GLI2: variants seen among roughly 807,000 people sequenced by gnomAD.
GLI2 encodes the protein transcription activator GLI2.
In GLI2, 22 loss-of-function variants were observed where a neutral mutation model predicts 78.9. The ratio of observed to expected loss-of-function variants is 0.28; its 90% CI spans 0.20 to 0.40. The LOEUF is 0.40. GLI2 is among the 10% of genes least tolerant of loss of function. The pLI is 1.00. For missense variants in GLI2, 2,097 were observed against 2,213.2 expected (o/e 0.95, Z 1.05); for synonymous variants, 974 against 963.7 (o/e 1.01, Z -0.20).
At chr2:120,746,404 G>T (rs1392636803) in intron 1 of GLI2, among the ~76,000 whole-genome samples, 8 of 152,160 alleles carry the variant, frequency 5.3e-5, no homozygotes, top group African/African-American at 1.7e-4. Flanking sequence ...AAGCTGCCCA[G>T]CCACCTGCCC....
At chr2:120,960,943 G>A (rs1681523311) in intron 5 of GLI2, among the ~76,000 whole-genome samples, 1 of 152,228 alleles carries the variant, frequency 6.6e-6, no homozygotes, top group Non-Finnish European at 1.5e-5. Flanking sequence ...TGTGTGGGAA[G>A]GTGATAGAGA....
At chr2:120,916,526 G>A (rs1679106782) in intron 2 of GLI2, among the ~76,000 whole-genome samples, 1 of 152,254 alleles carries the variant, frequency 6.6e-6, no homozygotes, top group Non-Finnish European at 1.5e-5. Context: ...AGTTTGTGCT[G>A]CGTGGGCCTC....
At chr2:120,964,212 C>CT (rs1681724846) in intron 5 of GLI2, among the ~76,000 whole-genome samples, 2 of 152,174 alleles carry the variant, frequency 1.3e-5, no homozygotes, top group Non-Finnish European at 2.9e-5. Context: ...GAGGTGATGA[C>CT]TCGGCTGAGG....
At chr2:120,912,622 C>T (rs7578939) in intron 2 of GLI2, among the ~76,000 whole-genome samples, 8 of 152,178 alleles carry the variant, frequency 5.3e-5, no homozygotes, top group East Asian at 1.9e-4. Flanking sequence ...CAGAATCACA[C>T]GGGCAGGGAG....
rs762992052 is a variant in GLI2 at position 120,984,586 on chromosome 2, G to T, written c.1748G>T (p.Arg583Leu). The T allele has an allele frequency of 8.7e-6, 14 of 1,614,092 alleles. No individual in the cohort carries two copies. The highest frequency in any genetic ancestry group is 1.3e-5 in the African/African-American group (1 of 74,930). ...GPDAHVTKKQRNDVHLRTPLL... is the reference protein window; with the variant it reads ...GPDAHVTKKQLNDVHLRTPLL... ...GATGCCCACGTCACCAAGAAGCAGC[G>T]CAATGACGTGCACCTCCGCACACCG... Residue 583 changes from arginine to leucine, a missense_variant, in exon 12 of 14, where the codon CGC becomes CTC. Coordinates refer to ENST00000361492, the MANE Select transcript of GLI2 (RefSeq NM_001374353.1).
rs767845340 is a variant in GLI2 at position 120,989,851 on chromosome 2, C to T, written c.3886C>T (p.Pro1296Ser). 3.1e-6 allele frequency: 5 copies of T among 1,612,774 alleles called. No individual in the cohort carries two copies. Among genetic ancestry groups the T allele is most frequent in the African/African-American group, 2.7e-5 (2 of 75,068 alleles). The change falls in exon 14 of 14, where the codon CCA (proline) becomes TCA (serine). Residue 1296 changes from proline (P) to serine (S), a missense_variant. Around this residue, in one of 5 missense-constraint regions of GLI2, gnomAD observed 1,290 missense variants for 1,261.7 expected, o/e 1.02. Coordinates refer to ENST00000361492, the MANE Select transcript of GLI2 (RefSeq NM_001374353.1). The stretch of plus-strand genomic sequence containing the variant: ...CCCCGATTCAGCCCTGGCTGGAGTG[C>T]CACCACCTCACCCAGTCCAGAGCTA... The part of the protein sequence containing the change: ...GVPDSALAGV[P>S]PPHPVQSYPQ...
intron 1 of GLI2, among the ~76,000 whole-genome samples, chr2:120,766,266 G>A (rs547185572): frequency 2.3e-4 from 35 of 152,346 alleles, no homozygotes; most frequent in Admixed American, 2.0e-3. Context: ...GCAGGCAAGC[G>A]CGTCACTTCC....
At chr2:120,849,394 C>T (rs148737226) in intron 2 of GLI2, among the ~76,000 whole-genome samples, 145 of 152,280 alleles carry the variant, frequency 9.5e-4, no homozygotes, top group African/African-American at 3.1e-3. Context: ...CTCTCAACCT[C>T]CCATATAGAA....
Position 120,955,445 on chromosome 2 carries a change from C to T in GLI2, c.643+15C>T, listed in dbSNP as rs542595829. ...CCCCGTGGACGGTGAGTGCTGGCCCCCAGGGGCTGAGGATGGGGCTAGCAG... is the reference window on the plus strand; with the variant it reads ...CCCCGTGGACGGTGAGTGCTGGCCCTCAGGGGCTGAGGATGGGGCTAGCAG... On this transcript the variant is annotated intron_variant, in intron 5 of 13. Coordinates refer to ENST00000361492, the MANE Select transcript of GLI2 (RefSeq NM_001374353.1). 1.4e-4 allele frequency: 215 copies of T among 1,544,788 alleles called. 3 individuals are homozygous for T. The African/African-American group carries it at 2.0e-3, about 14-fold the overall frequency.
intron 2 of GLI2, among the ~76,000 whole-genome samples, chr2:120,913,297 G>A (rs531435382): frequency 2.0e-5 from 3 of 152,304 alleles, no homozygotes; most frequent in East Asian, 1.9e-4. Context: ...GAGATGTGCT[G>A]TGAGTGCAAG....
chr2:120,967,271 C>T (rs1159821180), intron 5 of GLI2, among the ~76,000 whole-genome samples: 2 of 152,244 alleles, frequency 1.3e-5, no homozygotes, highest in Non-Finnish European at 2.9e-5. Context: ...TTACTGTGCC[C>T]TACCATGGGC....
chr2:120,878,915 G>A (rs1263849286), intron 2 of GLI2, among the ~76,000 whole-genome samples: 1 of 151,364 alleles, frequency 6.6e-6, no homozygotes. Context: ...GTGACAGAGC[G>A]AGACTCCATC....
At chr2:120,761,779 C>G (rs1379511415) in intron 1 of GLI2, among the ~76,000 whole-genome samples, 1 of 152,138 alleles carries the variant, frequency 6.6e-6, no homozygotes, top group Non-Finnish European at 1.5e-5. Flanking sequence ...CCCTTCTCTC[C>G]CCAGGGCTCT....
chr2:120,955,130 A>G, intron 4 of GLI2, 115 bp from the exon 5 acceptor site: 1 of 731,928 alleles, frequency 1.4e-6, no homozygotes, highest in Non-Finnish European at 2.4e-6. Context: ...AAACCCCGAC[A>G]CCAGGTGTGC....
In GLI2 at chr2:120,984,604, G is replaced by C. The variant is rs745409561; in HGVS notation, c.1766G>C (p.Arg589Pro). Reference protein sequence around the residue: ...TKKQRNDVHLRTPLLKENGDS... With the variant: ...TKKQRNDVHLPTPLLKENGDS... The stretch of plus-strand genomic sequence containing the variant: ...AAGCAGCGCAATGACGTGCACCTCC[G>C]CACACCGCTGCTCAAAGAGAATGGG... Residue 589 changes from arginine (R) to proline (P), a missense_variant, in exon 12 of 14, where the codon CGC (arginine) becomes CCC (proline). By Grantham distance (103) the Arg-to-Pro change is moderately radical. Around this residue, in one of 5 missense-constraint regions of GLI2, gnomAD observed 57 missense variants for 44.5 expected, o/e 1.28. Transcript: ENST00000361492. 7 of 1,614,192 alleles carry C rather than the reference G, an allele frequency of 4.3e-6. No individual in the cohort carries two copies. The South Asian group carries it at 5.5e-5, about 13-fold the overall frequency.
chr2:120,933,878 CCT>C (rs1165217829), intron 3 of GLI2, among the ~76,000 whole-genome samples: 3 of 149,524 alleles, frequency 2.0e-5, no homozygotes, highest in Non-Finnish European at 3.0e-5. Context: ...CCTGCCCTGC[CCT>C]GCCCTGCCCT....
At chr2:120,795,484 C>G (rs1684344284) in intron 1 of GLI2, among the ~76,000 whole-genome samples, 1 of 151,488 alleles carries the variant, frequency 6.6e-6, no homozygotes. Context: ...GGTCACACCA[C>G]TGCACTCCAG....
intron 2 of GLI2, among the ~76,000 whole-genome samples, chr2:120,886,159 A>AGTGTGTGT (rs532891541): frequency 8.6e-6 from 1 of 116,752 alleles, no homozygotes; most frequent in Non-Finnish European, 1.7e-5. Context: ...ATTTTTCCAA[A>AGTGTGTGT]GTGTGTGTGT....
chr2:120,927,635 G>A (rs899360899), intron 3 of GLI2, among the ~76,000 whole-genome samples, 169 bp downstream of exon 3: 3 of 152,212 alleles, frequency 2.0e-5, no homozygotes, highest in Admixed American at 6.5e-5. Flanking sequence ...GGGACCCTGT[G>A]TGAGCATGTG....
Sources: gnomAD v4.1 joint callset for allele counts (sites outside exome capture counted in the v4.1 genomes callset) on GRCh38, gnomAD v4.1.1 for gene constraint, gnomAD v4.1.1 regional missense constraint, MANE v1.5 for transcripts, NCBI Gene and HGNC (gene_info 2026-07-23, HGNC 2026-07-21) for gene names.